CDH4: variants seen among roughly 807,000 people sequenced by gnomAD.
The protein encoded by CDH4 is cadherin 4, also known as cadherin-4.
A neutral mutation model predicts 86.0 loss-of-function variants in CDH4; 33 were observed. The ratio of observed to expected loss-of-function variants is 0.38; its 90% CI spans 0.29 to 0.51. The LOEUF (loss-of-function observed/expected upper bound fraction) is 0.51. CDH4 is among the 20% of genes least tolerant of loss of function. CDH4 has a pLI of 0.86. For missense variants in CDH4, 1,114 were observed against 1,307.4 expected (o/e 0.85, Z 2.28); for synonymous variants, 555 against 549.4 (o/e 1.01, Z -0.14).
chr20:61,379,896 A>C (rs538020945), intron 2 of CDH4, among the ~76,000 whole-genome samples: 39 of 152,374 alleles, frequency 2.6e-4, no homozygotes, highest in African/African-American at 9.1e-4. Context: ...AGCAGAGACA[A>C]ATCATTCAAA....
chr20:61,662,157 C>A (rs2087264420), intron 2 of CDH4, among the ~76,000 whole-genome samples: 1 of 152,170 alleles, frequency 6.6e-6, no homozygotes, highest in Non-Finnish European at 1.5e-5. Flanking sequence ...CCCCCCTAAT[C>A]TGCCATGGCC....
chr20:61,583,024 G>A (rs1469101123), intron 2 of CDH4, among the ~76,000 whole-genome samples: 1 of 151,900 alleles, frequency 6.6e-6, no homozygotes, highest in East Asian at 1.9e-4. Context: ...TGAGAGAATT[G>A]TACAGTGTGT....
At chr20:61,473,450 A>G (rs1420029004) in intron 2 of CDH4, among the ~76,000 whole-genome samples, 3 of 152,156 alleles carry the variant, frequency 2.0e-5, no homozygotes, top group African/African-American at 4.8e-5. Flanking sequence ...AGCCCCTCCA[A>G]TGGAGAGCTG....
intron 2 of CDH4, among the ~76,000 whole-genome samples, chr20:61,577,174 GTGTA>G (rs1370848713): frequency 1.3e-5 from 2 of 152,070 alleles, no homozygotes; most frequent in Non-Finnish European, 2.9e-5. Flanking sequence ...TGAAGGATGA[GTGTA>G]TGTGTGTGTA....
At chr20:61,527,102 C>T (rs1053068314) in intron 2 of CDH4, among the ~76,000 whole-genome samples, 1 of 152,264 alleles carries the variant, frequency 6.6e-6, no homozygotes, top group African/African-American at 2.4e-5. Flanking sequence ...ATGAACTACG[C>T]GCACATACAG....
intron 2 of CDH4, among the ~76,000 whole-genome samples, chr20:61,405,139 G>T (rs2085074223): frequency 6.6e-6 from 1 of 152,058 alleles, no homozygotes; most frequent in African/African-American, 2.4e-5. Flanking sequence ...GGGTCCCAGG[G>T]AGTGGATGTG....
chr20:61,325,412 G>A (rs1204020182), intron 2 of CDH4, among the ~76,000 whole-genome samples: 1 of 151,972 alleles, frequency 6.6e-6, no homozygotes, highest in Non-Finnish European at 1.5e-5. Flanking sequence ...TAGATAGTAG[G>A]GCCTTGAAAT....
In CDH4 at chr20:61,623,324, TC is replaced by T. The variant is rs1199848155; in HGVS notation, c.170-120237del. 6.6e-6 allele frequency among the ~76,000 whole-genome samples: 1 copy of T among 152,104 alleles called. No homozygotes were observed. The highest frequency in any genetic ancestry group is 6.5e-5 in the Admixed American group (1 of 15,280). On this transcript the variant is annotated intron_variant, in intron 2 of 15. Transcript: ENST00000614565. This position sits in a 1 kb window ranked among gnomAD's most constrained non-coding sequence, Gnocchi z 4.4. ...CAGCTGCTGGTTTCCGTGGCTGCCT[TC>T]CTAGGGGAGCATGGTGACAGCTTCC... is the stretch of plus-strand genomic sequence containing the variant.
At chr20:61,497,365 T>C (rs1352666370) in intron 2 of CDH4, among the ~76,000 whole-genome samples, 45 of 152,208 alleles carry the variant, frequency 3.0e-4, no homozygotes, top group Admixed American at 2.9e-3. Flanking sequence ...GCTATAGGAT[T>C]TTTAGCTCTA....
Position 61,326,620 on chromosome 20 carries a change from T to C in CDH4, c.169+71683T>C, listed in dbSNP as rs529316490. Among the ~76,000 whole-genome samples the C allele has an allele frequency of 4.6e-5, 7 of 152,352 alleles. No homozygotes were observed. The South Asian group carries it at 1.5e-3, about 32-fold the overall frequency. ...TGATCCAGAAGGCACACAGGTATTC[T>C]GGAAGACACTGGGGGTCATGGGAGA... is the stretch of plus-strand genomic sequence containing the variant. On this transcript the variant is annotated intron_variant, in intron 2 of 15. Transcript: ENST00000614565.
chr20:61,783,801 T>C, intron 4 of CDH4, among the ~76,000 whole-genome samples: 1 of 84,060 alleles, frequency 1.2e-5, no homozygotes, highest in African/African-American at 4.4e-5. Context: ...TCAGGTGTCT[T>C]GTGCCCCCAA....
chr20:61,746,236 A>T (rs2088413205), intron 3 of CDH4, among the ~76,000 whole-genome samples: 1 of 152,170 alleles, frequency 6.6e-6, no homozygotes, highest in Non-Finnish European at 1.5e-5. Context: ...CAGCCTGAGG[A>T]CCCTGTCCCA....
intron 15 of CDH4, among the ~76,000 whole-genome samples, chr20:61,936,429 C>CA (rs1201713268): frequency 1.7e-5 from 1 of 59,000 alleles, no homozygotes; most frequent in Non-Finnish European, 3.4e-5. Flanking sequence ...CCCCCCCCCC[C>CA]ATCTGCCCTT....
intron 2 of CDH4, among the ~76,000 whole-genome samples, chr20:61,317,145 G>A (rs1201666907): frequency 6.6e-6 from 1 of 152,046 alleles, no homozygotes; most frequent in African/African-American, 2.4e-5. Context: ...TTGGGAGGCC[G>A]AGGTGGGTGG....
intron 2 of CDH4, among the ~76,000 whole-genome samples, chr20:61,606,478 C>T (rs1277253173): frequency 6.6e-6 from 1 of 152,222 alleles, no homozygotes; most frequent in Non-Finnish European, 1.5e-5. Flanking sequence ...CAAAGCCTGA[C>T]AGTCTCTCAG....
At position 61,709,379 on chromosome 20, in the gene CDH4, A is replaced by G. The variant is rs1290123301; in HGVS notation, c.170-34184A>G. Among the ~76,000 whole-genome samples, 1 of 152,072 alleles carries G rather than the reference A, an allele frequency of 6.6e-6. No individual in the cohort carries two copies. Among genetic ancestry groups the G allele is most frequent in the Admixed American group, 6.6e-5 (1 of 15,264 alleles). ...AACCTCCGCCTCCTGGGTTCAAGCA[A>G]TTCTCCTGCCTCAGCCACCCAAGTA... On this transcript the variant is annotated intron_variant, in intron 2 of 15. Transcript: ENST00000614565. This position sits in a 1 kb window ranked among gnomAD's most constrained non-coding sequence, Gnocchi z 4.8.
chr20:61,936,332 A>G (rs1195139033), intron 15 of CDH4, among the ~76,000 whole-genome samples: 1 of 21,940 alleles, frequency 4.6e-5, no homozygotes, highest in Admixed American at 6.6e-4. Context: ...CCTCTCCCAC[A>G]CCTCCACCTT....
intron 3 of CDH4, among the ~76,000 whole-genome samples, chr20:61,753,936 A>G (rs750879800): frequency 6.6e-6 from 1 of 152,128 alleles, no homozygotes; most frequent in Non-Finnish European, 1.5e-5. Flanking sequence ...TTGCCGATGT[A>G]ATTAGTGAAG....
chr20:61,436,486 T>C (rs923848820), intron 2 of CDH4: 2 of 152,144 alleles, frequency 1.3e-5, no homozygotes, highest in Non-Finnish European at 2.9e-5. Context: ...TTACCTCTAA[T>C]TGTGCTTTCA....
Sources: gnomAD v4.1 joint callset for allele counts (sites outside exome capture counted in the v4.1 genomes callset) on GRCh38, gnomAD v4.1.1 for gene constraint, Gnocchi (gnomAD v3.1) non-coding constraint, MANE v1.5 for transcripts, NCBI Gene and HGNC (gene_info 2026-07-23, HGNC 2026-07-21) for gene names.